Variants in GPHN observed in about 807,000 individuals in gnomAD.
GPHN encodes gephyrin.
GPHN carries 17 observed loss-of-function variants against 95.5 expected under a neutral mutation model. The observed-to-expected ratio is 0.18, with a 90% CI of 0.12 to 0.27. GPHN has a LOEUF of 0.27. Among genes scored for constraint, GPHN ranks in the 10% least tolerant of loss-of-function variants. The pLI is 1.00. For missense variants in GPHN, 660 were observed against 978.1 expected (o/e 0.67, Z 4.34); for synonymous variants, 320 against 322.5 (o/e 0.99, Z 0.08).
intron 11 of GPHN, among the ~76,000 whole-genome samples, chr14:67,085,859 C>T (rs1464277728): frequency 6.6e-6 from 1 of 152,210 alleles, no homozygotes; most frequent in East Asian, 1.9e-4. Flanking sequence ...TAAACACTAA[C>T]TCTTCTTTCC....
the GPHN span, among the ~76,000 whole-genome samples, chr14:67,531,224 T>G: frequency 6.6e-6 from 1 of 152,084 alleles, no homozygotes; most frequent in Non-Finnish European, 1.5e-5. Context: ...TGGGCTGCAA[T>G]GAGCTATGAT....
chr14:66,562,470 A>G (rs1281080206), intron 1 of GPHN, among the ~76,000 whole-genome samples: 2 of 152,128 alleles, frequency 1.3e-5, no homozygotes, highest in Non-Finnish European at 2.9e-5. Context: ...TACCTTAACA[A>G]AATTTGGGGT....
the GPHN span, chr14:67,303,740 A>C: frequency 1.5e-6 from 1 of 663,786 alleles, no homozygotes; most frequent in Non-Finnish European, 2.6e-6. Flanking sequence ...ATGAAATATC[A>C]ATGTTTTAAA....
chr14:66,977,245 C>T (rs528453182), intron 9 of GPHN, among the ~76,000 whole-genome samples: 2 of 152,172 alleles, frequency 1.3e-5, no homozygotes, highest in East Asian at 1.9e-4. Flanking sequence ...TCCTGACTAA[C>T]ACGGAGAAAC....
the GPHN span, chr14:67,580,128 CAGA>C: frequency 4.7e-6 from 2 of 423,732 alleles, no homozygotes; most frequent in Non-Finnish European, 8.6e-6. Flanking sequence ...GTGCAGCGTC[CAGA>C]AGAAAAGCCT....
At chr14:66,727,149 A>G (rs1052411599) in intron 2 of GPHN, among the ~76,000 whole-genome samples, 1 of 152,148 alleles carries the variant, frequency 6.6e-6, no homozygotes, top group Non-Finnish European at 1.5e-5. Context: ...TCCCTGCACA[A>G]GCTCACTCTT....
chr14:67,551,814 G>A, the GPHN span, among the ~76,000 whole-genome samples: 44 of 152,134 alleles, frequency 2.9e-4, no homozygotes, highest in African/African-American at 3.1e-4. Context: ...CCTGGGAGGC[G>A]GAGGTTACAG....
In GPHN at chr14:66,546,033, C is replaced by T. The variant is rs570589972; in HGVS notation, c.64+37442C>T. Among the ~76,000 whole-genome samples, 275 of 149,098 alleles carry T rather than the reference C, an allele frequency of 1.8e-3. 1 individual carries two copies. The highest frequency in any genetic ancestry group is 6.5e-3 in the African/African-American group (261 of 40,198). The stretch of plus-strand genomic sequence containing the variant: ...CTCAGACGGGGCGGCCGGGCAGAGA[C>T]GCTCCTCACCTCCCAGACGGGGTTG... On this transcript the variant is annotated intron_variant, in intron 1 of 22. Coordinates refer to ENST00000478722, the MANE Select transcript of GPHN (RefSeq NM_020806.5).
intron 2 of GPHN, among the ~76,000 whole-genome samples, chr14:66,722,595 C>T (rs757931999): frequency 1.3e-4 from 20 of 152,030 alleles, no homozygotes; most frequent in African/African-American, 3.6e-4. Flanking sequence ...AAGGATATGC[C>T]GCCATGCACA....
chr14:67,289,522 CTATA>C, the GPHN span, among the ~76,000 whole-genome samples: 1 of 151,762 alleles, frequency 6.6e-6, no homozygotes, highest in Non-Finnish European at 1.5e-5. Flanking sequence ...CGAGGGATAA[CTATA>C]TATATAAAAT....
chr14:66,813,207 A>T (rs933088001), intron 3 of GPHN, among the ~76,000 whole-genome samples: 2 of 152,214 alleles, frequency 1.3e-5, no homozygotes, highest in South Asian at 4.1e-4. Flanking sequence ...AACTTTTATA[A>T]TTATTTTATA....
chr14:67,308,712 C>T, the GPHN span, among the ~76,000 whole-genome samples: 6 of 151,832 alleles, frequency 4.0e-5, no homozygotes, highest in East Asian at 1.2e-3. Flanking sequence ...TGTACAAGTA[C>T]CATCTACTGT....
intron 2 of GPHN, among the ~76,000 whole-genome samples, chr14:66,695,553 G>C (rs1320672669): frequency 1.3e-5 from 2 of 152,128 alleles, no homozygotes; most frequent in African/African-American, 2.4e-5. Context: ...ACAAAAATCT[G>C]CACATAGATT....
intron 1 of GPHN, among the ~76,000 whole-genome samples, chr14:66,680,278 C>T (rs1252504485): frequency 6.6e-6 from 1 of 152,204 alleles, no homozygotes; most frequent in Non-Finnish European, 1.5e-5. Context: ...TCCCCACCCA[C>T]TAAGGGGATG....
chr14:67,708,618 C>T, the GPHN span, among the ~76,000 whole-genome samples: 1 of 151,944 alleles, frequency 6.6e-6, no homozygotes, highest in Non-Finnish European at 1.5e-5. Flanking sequence ...CTAAGTCATA[C>T]CAAAATTACA....
intron 10 of GPHN, among the ~76,000 whole-genome samples, chr14:67,036,501 G>GCA (rs762967467): frequency 0.28 from 33,377 of 117,986 alleles, 4,888 homozygotes; most frequent in Non-Finnish European, 0.36. Context: ...ATACATACAT[G>GCA]CACACACACA....
chr14:66,579,846 C>T (rs2061081291), intron 1 of GPHN, among the ~76,000 whole-genome samples: 1 of 151,712 alleles, frequency 6.6e-6, no homozygotes, highest in Non-Finnish European at 1.5e-5. Context: ...GATATGTGGA[C>T]TTCAATCACA....
At chr14:67,574,938 G>A in the GPHN span, among the ~76,000 whole-genome samples, 1 of 152,202 alleles carries the variant, frequency 6.6e-6, no homozygotes, top group African/African-American at 2.4e-5. This position sits in a 1 kb window ranked among gnomAD's most constrained non-coding sequence, Gnocchi z 4.2. Context: ...GCTCAGGGCT[G>A]GCAGGCTCGC....
At chr14:67,644,642 A>G in the GPHN span, among the ~76,000 whole-genome samples, 1 of 152,330 alleles carries the variant, frequency 6.6e-6, no homozygotes, top group African/African-American at 2.4e-5. Context: ...GAGACAGAAC[A>G]GTTGGCTAAT....
Sources: allele counts gnomAD v4.1 joint callset (sites outside exome capture counted in the v4.1 genomes callset), GRCh38; gene constraint gnomAD v4.1.1; non-coding constraint Gnocchi (gnomAD v3.1); transcripts MANE v1.5; gene names NCBI Gene and HGNC (gene_info 2026-07-23, HGNC 2026-07-21).